The following CD4 variants were observed in gnomAD, a reference collection of about 807,000 sequenced individuals.
CD4 encodes the protein T-cell surface glycoprotein CD4.
In CD4, 25 loss-of-function variants were observed where a neutral mutation model predicts 50.5. The ratio of observed to expected loss-of-function variants is 0.49; its 90% confidence interval spans 0.36 to 0.69. The LOEUF is 0.69. Ranked by LOEUF, CD4 falls within the 30% of genes least tolerant of loss-of-function variation. The pLI, the probability that CD4 is intolerant of heterozygous loss-of-function variation, is 0.00. For missense variants in CD4, 456 were observed against 548.5 expected (o/e 0.83, Z 1.68); for synonymous variants, 207 against 221.9 (o/e 0.93, Z 0.60).
intron 3 of CD4, among the ~76,000 whole-genome samples, chr12:6,811,074 A>G (rs1296433784): frequency 2.0e-5 from 3 of 151,938 alleles, no homozygotes; most frequent in African/African-American, 7.3e-5. Flanking sequence ...AGAGTGAGTG[A>G]CTGAACTGGT....
chr12:6,791,799 T>C (rs1172387868), intron 1 of CD4, among the ~76,000 whole-genome samples: 1 of 152,146 alleles, frequency 6.6e-6, no homozygotes, highest in Non-Finnish European at 1.5e-5. Context: ...GGAGGATTGC[T>C]TGAGCCTGGG....
Position 6,819,314 on chromosome 12 carries a change from A to T in CD4, c.1362A>T (p.Thr454=). 1 of 1,614,150 alleles carries T rather than the reference A, an allele frequency of 6.2e-7. No individual in the cohort carries two copies. Among genetic ancestry groups the T allele is most frequent in the Non-Finnish European group, 8.5e-7 (1 of 1,179,998 alleles). ...TCQCPHRFQK[T]CSPI Reference sequence around the variant, plus strand: ...GTTCCTGCAGCCGGTTTCAGAAGACATGTAGCCCCATTTGAGGCACGAGGC... The same window carrying T: ...GTTCCTGCAGCCGGTTTCAGAAGACTTGTAGCCCCATTTGAGGCACGAGGC... The change falls in exon 10 of 10, where the codon ACA becomes ACT. Residue 454 remains threonine (T), a synonymous_variant. Coordinates refer to ENST00000011653, the MANE Select transcript of CD4 (RefSeq NM_000616.5).
chr12:6,805,797 C>T (rs1250985022), intron 3 of CD4, among the ~76,000 whole-genome samples: 1 of 151,808 alleles, frequency 6.6e-6, no homozygotes, highest in East Asian at 1.9e-4. Context: ...AACAAGTTGG[C>T]CAGGTGTAGT....
chr12:6,795,848 C>T (rs1349223563), intron 1 of CD4, among the ~76,000 whole-genome samples: 1 of 152,184 alleles, frequency 6.6e-6, no homozygotes, highest in Non-Finnish European at 1.5e-5. Flanking sequence ...TGGCCAGCCC[C>T]GACTGGTGCT....
intron 3 of CD4, among the ~76,000 whole-genome samples, chr12:6,807,551 G>A (rs1400828865): frequency 1.3e-5 from 2 of 152,072 alleles, no homozygotes; most frequent in East Asian, 3.8e-4. Flanking sequence ...TGATTGCCAG[G>A]GGTTAAGGGG....
Position 6,792,835 on chromosome 12 carries a change from C to T in CD4, c.-68+3173C>T, listed in dbSNP as rs1279219009. 1.3e-5 allele frequency among the ~76,000 whole-genome samples: 2 copies of T among 152,118 alleles called. No homozygotes were observed. Among genetic ancestry groups the T allele is most frequent in the African/African-American group, 2.4e-5 (1 of 41,416 alleles). ...GGGAGCCCGGGAGAGCCAGCACGGC[C>T]GCCTGGTATATGAGGCAAAGAGGAA... On this transcript the variant is annotated intron_variant, in intron 1 of 9. Transcript: ENST00000011653. The surrounding 1 kb of genome is among the most constrained non-coding windows in gnomAD (Gnocchi z 4.1).
At chr12:6,802,798 G>A (rs781870255) in intron 3 of CD4, among the ~76,000 whole-genome samples, 9 of 150,894 alleles carry the variant, frequency 6.0e-5, no homozygotes, top group Admixed American at 1.3e-4. Flanking sequence ...GTGCAATGGC[G>A]CGATCTCAGC....
In CD4 at chr12:6,814,209, GATC is replaced by G; in HGVS notation, c.287_289del (p.Ile96del). 1 of 1,614,096 alleles carries G rather than the reference GATC, an allele frequency of 6.2e-7. No individual in the cohort carries two copies. The highest frequency in any genetic ancestry group is 8.5e-7 in the Non-Finnish European group (1 of 1,180,004). On this transcript the variant is annotated inframe_deletion, in exon 4 of 10. Transcript: ENST00000011653. ...TTTGGGACCAAGGAAACTTTCCCCT[GATC>G]ATCAAGAATCTTAAGATAGAAGACT...
intron 3 of CD4, among the ~76,000 whole-genome samples, chr12:6,808,450 C>CAAAAAAAAAAAAATAAAAAAAAAAAAA (rs1942838997): frequency 2.6e-5 from 1 of 37,800 alleles, no homozygotes. Context: ...GATTCTGTCT[C>CAAAAAAAAAAAAATAAAAAAAAAAAAA]AAAAAAAAAA....
chr12:6,818,307 T>C lies in CD4; in HGVS notation c.1157-114T>C. ...AGAGCCCCCAGGCACCCCTCCCCTC[T>C]CCCCCAACCCCAGGGTCAAACCAGA... On this transcript the variant is annotated intron_variant, in intron 7 of 9. Transcript: ENST00000011653. This position sits in a 1 kb window ranked among gnomAD's most constrained non-coding sequence, Gnocchi z 5.0. 2 of 1,279,092 alleles carry C rather than the reference T, an allele frequency of 1.6e-6. No homozygotes were observed. The highest frequency in any genetic ancestry group is 2.2e-6 in the Non-Finnish European group (2 of 924,576). 79.2% of individuals were successfully genotyped at this position (1,279,092 alleles called of 1,614,324 possible). A position where few individuals can be genotyped will look rare whatever the true frequency, so the allele number is the denominator to read the frequency against.
At chr12:6,809,770 A>G (rs1162154525) in intron 3 of CD4, among the ~76,000 whole-genome samples, 1 of 152,078 alleles carries the variant, frequency 6.6e-6, no homozygotes, top group Non-Finnish European at 1.5e-5. Context: ...TCAGTTTCCC[A>G]GTGGAAACCT....
intron 3 of CD4, among the ~76,000 whole-genome samples, chr12:6,806,278 G>A (rs1464557154): frequency 6.6e-6 from 1 of 151,594 alleles, no homozygotes; most frequent in Non-Finnish European, 1.5e-5. Flanking sequence ...ACACGTGTGT[G>A]TACACATATA....
Position 6,818,821 on chromosome 12 carries a change from T to A in CD4, c.1279-26T>A. 6.2e-7 allele frequency: 1 copy of A among 1,605,470 alleles called. No homozygotes were observed. Among genetic ancestry groups the A allele is most frequent in the Non-Finnish European group, 8.5e-7 (1 of 1,172,108 alleles). ...CCCTTCTGGAGGCCTGGGACCCTCGTGACTCCCTTTCTTGTCCCTGGACAG... is the reference window on the plus strand; with the variant it reads ...CCCTTCTGGAGGCCTGGGACCCTCGAGACTCCCTTTCTTGTCCCTGGACAG... On this transcript the variant is annotated intron_variant, in intron 8 of 9. Coordinates refer to ENST00000011653, the MANE Select transcript of CD4 (RefSeq NM_000616.5). This position sits in a 1 kb window ranked among gnomAD's most constrained non-coding sequence, Gnocchi z 5.0.
chr12:6,800,360 GA>G lies in CD4; in HGVS notation c.104del (p.Asp35ValfsTer5), dbSNP rs1555115051. 1 of 1,614,076 alleles carries G rather than the reference GA, an allele frequency of 6.2e-7. No individual in the cohort carries two copies. Among genetic ancestry groups the G allele is most frequent in the Non-Finnish European group, 8.5e-7 (1 of 1,180,002 alleles). On this transcript the variant is annotated frameshift_variant, in exon 3 of 10. Coordinates refer to ENST00000011653, the MANE Select transcript of CD4 (RefSeq NM_000616.5). LOFTEE classifies it high-confidence loss of function. ...GAAAGTGGTGCTGGGCAAAAAAGGG[GA>G]TACAGTGGAACTGACCTGTACAGCT... ...GKKVVLGKKG[D>X]TVELTCTASQ... is the part of the protein sequence containing the mutation.
rs782806389 is a variant in CD4 at position 6,813,219 on chromosome 12, AAT to A, written c.215-922_215-921del. On this transcript the variant is annotated intron_variant, in intron 3 of 9. Coordinates refer to ENST00000011653, the MANE Select transcript of CD4 (RefSeq NM_000616.5). The stretch of plus-strand genomic sequence containing the variant: ...CCTCCCAAGGCGGCTAATTAAAAAA[AAT>A]TTTTTTTTTTTTTTTTTTAGAGATG... 6.0e-3 allele frequency among the ~76,000 whole-genome samples: 872 copies of A among 145,118 alleles called. 9 individuals carry two copies. Among genetic ancestry groups the A allele is most frequent in the African/African-American group, 0.023 (845 of 37,174 alleles).
chr12:6,812,769 T>TG lies in CD4; in HGVS notation c.215-1373_215-1372insG, dbSNP rs1942974121. On this transcript the variant is annotated intron_variant, in intron 3 of 9. Transcript: ENST00000011653. ...TCTTCCTAGAGGCAACCAAGGTTAT[T>TG]TTTGTGTGTGTGTGTGTGTGTGTGT... Among the ~76,000 whole-genome samples the TG allele has an allele frequency of 4.6e-4, 15 of 32,320 alleles. No homozygotes were observed. The East Asian group carries it at 0.027, about 58-fold the overall frequency. The allele number at this position is 32,320 out of a possible 152,430, so 21.2% of individuals were successfully genotyped here.
intron 1 of CD4, among the ~76,000 whole-genome samples, chr12:6,790,468 A>G (rs1011148948): frequency 6.6e-6 from 1 of 152,222 alleles, no homozygotes; most frequent in South Asian, 2.1e-4. Flanking sequence ...GCTTTTGCGT[A>G]TGAATTGCCC....
chr12:6,814,046 A>G, intron 3 of CD4, 96 bp from the exon 4 acceptor site: 1 of 1,062,046 alleles, frequency 9.4e-7, no homozygotes, highest in Non-Finnish European at 1.4e-6. Context: ...GCAGGAAATT[A>G]GCAACTGATA....
intron 7 of CD4, among the ~76,000 whole-genome samples, chr12:6,817,614 C>A (rs1337661961): frequency 1.3e-5 from 2 of 152,018 alleles, no homozygotes; most frequent in East Asian, 3.8e-4. Flanking sequence ...CCGAGAGCCC[C>A]CCTCCCTGGC....
Sources: gnomAD v4.1 joint callset for allele counts (sites outside exome capture counted in the v4.1 genomes callset) on GRCh38, gnomAD v4.1.1 for gene constraint, Gnocchi (gnomAD v3.1) non-coding constraint, MANE v1.5 for transcripts, NCBI Gene and HGNC (gene_info 2026-07-23, HGNC 2026-07-21) for gene names.